TP63: variants seen among roughly 807,000 people sequenced by gnomAD.
TP63 encodes tumor protein p63.
Under a neutral mutation model 82.8 loss-of-function variants are expected in TP63, and 17 were observed. The observed-to-expected ratio is 0.21, with a 90% confidence interval of 0.14 to 0.31. TP63 has a LOEUF of 0.31. Ranked by LOEUF, TP63 falls within the 10% of genes least tolerant of loss-of-function variation. TP63 has a pLI of 1.00. For synonymous variants in TP63, 330 were observed against 321.7 expected, an observed-to-expected ratio of 1.03 and a Z score of -0.28; for missense variants, 648 against 895.3, an observed-to-expected ratio of 0.72 and a Z score of 3.52.
At chr3:189,676,663 A>C (rs995200783) in intron 1 of TP63, among the ~76,000 whole-genome samples, 3 of 152,036 alleles carry the variant, frequency 2.0e-5, no homozygotes, top group African/African-American at 7.2e-5. Context: ...ATAGTAGTGA[A>C]GTGTGGGCTT....
chr3:189,793,661 G>T (rs1236307331), intron 3 of TP63, among the ~76,000 whole-genome samples: 1 of 151,964 alleles, frequency 6.6e-6, no homozygotes, highest in Non-Finnish European at 1.5e-5. Context: ...TTCCTTCCTA[G>T]TATAACTTTT....
chr3:189,873,206 G>A, intron 10 of TP63: 1 of 663,886 alleles, frequency 1.5e-6, no homozygotes, highest in Non-Finnish European at 2.6e-6. Flanking sequence ...CTTATGTTCT[G>A]AAATTAAATA....
intron 1 of TP63, among the ~76,000 whole-genome samples, chr3:189,670,349 T>C (rs1263816167): frequency 6.6e-6 from 1 of 152,056 alleles, no homozygotes. Flanking sequence ...ACACAATACA[T>C]GACAACTGCA....
Position 189,649,433 on chromosome 3 carries a change from G to C in TP63, c.62+17856G>C, listed in dbSNP as rs556309536. On this transcript the variant is annotated intron_variant, in intron 1 of 13. Coordinates refer to ENST00000264731, the MANE Select transcript of TP63 (RefSeq NM_003722.5). The stretch of plus-strand genomic sequence containing the variant: ...TGGAAACTAAATGATGAGAACGCGT[G>C]GACACAGAAATGGAAACAACAGACA... Among the ~76,000 whole-genome samples the C allele has an allele frequency of 3.6e-4, 53 of 146,582 alleles. 7 individuals are homozygous for C. Among genetic ancestry groups the C allele is most frequent in the African/African-American group, 1.3e-3 (50 of 39,128 alleles).
At chr3:189,856,643 G>T (rs1475313882) in intron 4 of TP63, among the ~76,000 whole-genome samples, 1 of 151,960 alleles carries the variant, frequency 6.6e-6, no homozygotes, top group African/African-American at 2.4e-5. Context: ...AAAGCTACAA[G>T]AACTAGTAAG....
intron 3 of TP63, among the ~76,000 whole-genome samples, chr3:189,795,352 G>A (rs1053273072): frequency 3.9e-5 from 6 of 152,004 alleles, no homozygotes; most frequent in African/African-American, 9.7e-5. Context: ...TCTAGCCTCC[G>A]TGAATTCATA....
At chr3:189,875,603 T>TAA (rs1718988443) in intron 10 of TP63, among the ~76,000 whole-genome samples, 1 of 35,114 alleles carries the variant, frequency 2.8e-5, no homozygotes, top group East Asian at 5.9e-4. Context: ...CATATATATA[T>TAA]ATATATATAT....
intron 4 of TP63, among the ~76,000 whole-genome samples, chr3:189,855,203 C>CA (rs1224780833): frequency 1.3e-5 from 2 of 152,030 alleles, no homozygotes; most frequent in African/African-American, 4.8e-5. Context: ...AATTGAAGAA[C>CA]AAAATGTATT....
At chr3:189,800,218 A>G (rs1326041878) in intron 3 of TP63, among the ~76,000 whole-genome samples, 3 of 152,100 alleles carry the variant, frequency 2.0e-5, no homozygotes, top group Non-Finnish European at 4.4e-5. Context: ...TGAAGGAGTT[A>G]GCCTTTAAAA....
chr3:189,810,800 G>A (rs1042179719), intron 4 of TP63, among the ~76,000 whole-genome samples: 1 of 148,142 alleles, frequency 6.8e-6, no homozygotes, highest in African/African-American at 2.5e-5. Context: ...AGGTTGTGGC[G>A]AGCTGAGATC....
intron 1 of TP63, among the ~76,000 whole-genome samples, chr3:189,684,678 T>C (rs972282171): frequency 4.0e-5 from 6 of 150,632 alleles, no homozygotes; most frequent in African/African-American, 1.5e-4. Context: ...TTGCTCAGCC[T>C]GGAGGGCAGT....
At chr3:189,724,968 C>T (rs1202661220) in intron 1 of TP63, among the ~76,000 whole-genome samples, 4 of 152,096 alleles carry the variant, frequency 2.6e-5, no homozygotes, top group African/African-American at 4.8e-5. Flanking sequence ...CAAGGATAAA[C>T]CAGCAATCGA....
intron 1 of TP63, among the ~76,000 whole-genome samples, chr3:189,674,266 C>CACT (rs1715192981): frequency 1.3e-5 from 2 of 152,086 alleles, no homozygotes; most frequent in African/African-American, 4.8e-5. Context: ...TTATTGGGAC[C>CACT]TATTCAATCC....
At chr3:189,847,266 G>A (rs2108756213) in intron 4 of TP63, among the ~76,000 whole-genome samples, 1 of 152,288 alleles carries the variant, frequency 6.6e-6, no homozygotes, top group South Asian at 2.1e-4. Context: ...GCTGAGGCAG[G>A]AGAGTCGCTA....
At chr3:189,614,492 T>A in the TP63 span, among the ~76,000 whole-genome samples, 1 of 152,184 alleles carries the variant, frequency 6.6e-6, no homozygotes, top group Non-Finnish European at 1.5e-5. Flanking sequence ...AGCTGCCCTG[T>A]ATTGACAGCA....
chr3:189,889,560 C>A, intron 12 of TP63, 76 bp downstream of exon 12: 1 of 1,588,392 alleles, frequency 6.3e-7, no homozygotes, highest in South Asian at 1.1e-5. Flanking sequence ...CTGTTATAGT[C>A]CATAAAACAG....
At chr3:189,859,306 G>A (rs1014548258) in intron 4 of TP63, among the ~76,000 whole-genome samples, 2 of 152,044 alleles carry the variant, frequency 1.3e-5, no homozygotes, top group Non-Finnish European at 2.9e-5. Context: ...TACAAAGGGG[G>A]AGAACACAGT....
intron 1 of TP63, among the ~76,000 whole-genome samples, chr3:189,656,962 C>T (rs9853686): frequency 0.44 from 66,446 of 150,724 alleles, 16,032 homozygotes; most frequent in Middle Eastern, 0.69. Context: ...TGCAGTGCAT[C>T]CCATTCATAC....
At chr3:189,734,889 A>G (rs981140656) in intron 1 of TP63, among the ~76,000 whole-genome samples, 4 of 151,740 alleles carry the variant, frequency 2.6e-5, no homozygotes, top group African/African-American at 9.7e-5. Context: ...GGATCTTGAA[A>G]TTTTCTCTCT....
Sources: gnomAD v4.1 joint callset for allele counts (sites outside exome capture counted in the v4.1 genomes callset) on GRCh38, gnomAD v4.1.1 for gene constraint, MANE v1.5 for transcripts, NCBI Gene and HGNC (gene_info 2026-07-23, HGNC 2026-07-21) for gene names.